MED13: variants seen among roughly 807,000 people sequenced by gnomAD.
MED13 encodes mediator of RNA polymerase II transcription subunit 13.
A neutral mutation model predicts 225.2 loss-of-function variants in MED13; 23 were observed. The observed-to-expected ratio is 0.10, with a 90% CI of 0.07 to 0.14. MED13 has a LOEUF of 0.14. MED13 is among the 10% of genes least tolerant of loss of function. The pLI, the probability that MED13 is intolerant of heterozygous loss-of-function variation, is 1.00. For synonymous variants in MED13, 942 were observed against 889.2 expected (o/e 1.06, Z -1.06); for missense variants, 2,197 against 2,594.5 (o/e 0.85, Z 3.33).
intron 17 of MED13, 95 bp downstream of exon 17, chr17:61,972,632 T>C (rs1008600240): frequency 2.6e-6 from 3 of 1,174,274 alleles, no homozygotes; most frequent in Non-Finnish European, 3.6e-6. Flanking sequence ...ATCACAAATA[T>C]ATTTAAAGAA....
intron 10 of MED13, among the ~76,000 whole-genome samples, chr17:61,993,092 G>T (rs1211789870): frequency 6.6e-6 from 1 of 151,608 alleles, no homozygotes; most frequent in Non-Finnish European, 1.5e-5. Flanking sequence ...ATAGACAAAA[G>T]TAGAGACTCT....
intron 16 of MED13, among the ~76,000 whole-genome samples, chr17:61,978,994 G>A (rs1179107212): frequency 1.3e-5 from 2 of 152,058 alleles, no homozygotes; most frequent in African/African-American, 4.8e-5. Flanking sequence ...CTTATTAAAT[G>A]TTTCTCCCTA....
intron 9 of MED13, chr17:62,004,477 A>G (rs2080426581): frequency 6.6e-6 from 1 of 152,234 alleles, no homozygotes; most frequent in Non-Finnish European, 1.5e-5. Context: ...ATAAGAAGGG[A>G]TAAGCAGTTC....
intron 9 of MED13, among the ~76,000 whole-genome samples, chr17:62,008,016 C>CAAAAAAA (rs60236710): frequency 0.011 from 576 of 50,414 alleles, 23 homozygotes; most frequent in East Asian, 0.023. Flanking sequence ...GAGACTGTCT[C>CAAAAAAA]AAAAAAAAAA....
chr17:61,959,871 G>A (rs1199777368), intron 23 of MED13, among the ~76,000 whole-genome samples: 1 of 151,854 alleles, frequency 6.6e-6, no homozygotes, highest in Non-Finnish European at 1.5e-5. Context: ...TGTGACTACA[G>A]GTGGGCCACT....
rs2080236704 is a variant in MED13, at chr17:61,985,107, C to T, written c.2386-17G>A. The T allele has an allele frequency of 6.9e-6, 11 of 1,598,770 alleles. No individual in the cohort carries two copies. Among genetic ancestry groups the T allele is most frequent in the South Asian group, 1.1e-5 (1 of 89,682 alleles). ...AGATCCAGGCTATTTAAAAAAAGCA[C>T]ATATTTATCTAAAATTTTACATCCA... On this transcript the variant is annotated splice_polypyrimidine_tract_variant and intron_variant, in intron 12 of 29. Transcript: ENST00000397786.
intron 8 of MED13, among the ~76,000 whole-genome samples, chr17:62,021,813 C>T (rs1224075201): frequency 6.6e-6 from 1 of 152,112 alleles, no homozygotes; most frequent in Non-Finnish European, 1.5e-5. Flanking sequence ...AACTCTTTAT[C>T]ACATCACCCA....
intron 8 of MED13, among the ~76,000 whole-genome samples, chr17:62,016,073 G>C (rs543509953): frequency 7.2e-6 from 1 of 138,744 alleles, no homozygotes; most frequent in East Asian, 2.1e-4. Flanking sequence ...CAAAGTGCTG[G>C]GATTACAGGC....
rs1211813169 is a variant in MED13, at chr17:61,955,455, A to G, written c.5895T>C (p.Thr1965=). ...CTGAAGCTACTTGCACAGAAGCAGA[A>G]GTAGGAAACACAAGTATATGAGTAC... ...TSCTHILVFP[T]SASVQVASAT... is the part of the protein sequence containing the mutation. Residue 1965 remains threonine (T), a synonymous_variant, in exon 26 of 30, where the codon ACT becomes ACC. Transcript: ENST00000397786. 1.2e-6 allele frequency: 2 copies of G among 1,600,456 alleles called. No individual in the cohort carries two copies. The highest frequency in any genetic ancestry group is 1.8e-5 in the Admixed American group (1 of 55,886).
chr17:62,062,619 CACA>C (rs2081049898), intron 2 of MED13, among the ~76,000 whole-genome samples: 3 of 151,430 alleles, frequency 2.0e-5, no homozygotes, highest in Admixed American at 2.0e-4. Flanking sequence ...CACACACACA[CACA>C]CACACGGATA....
chr17:62,012,202 C>T (rs528113072), intron 8 of MED13, among the ~76,000 whole-genome samples: 1 of 150,740 alleles, frequency 6.6e-6, no homozygotes, highest in South Asian at 2.1e-4. Context: ...GGTGACAGAG[C>T]AAGACTCCAT....
chr17:61,993,200 C>CTTTTTT (rs964200883), intron 10 of MED13, among the ~76,000 whole-genome samples: 5 of 107,688 alleles, frequency 4.6e-5, no homozygotes, highest in Non-Finnish European at 8.6e-5. Flanking sequence ...TTCTTTCTTT[C>CTTTTTT]TTTTTTTTTT....
intron 8 of MED13, among the ~76,000 whole-genome samples, chr17:62,023,253 T>C (rs1446743951): frequency 6.6e-6 from 1 of 152,166 alleles, no homozygotes; most frequent in African/African-American, 2.4e-5. Context: ...GAGAAGCCAA[T>C]GTTATCAGGC....
intron 8 of MED13, among the ~76,000 whole-genome samples, chr17:62,017,132 T>C (rs1048685177): frequency 2.7e-4 from 40 of 150,896 alleles, no homozygotes; most frequent in African/African-American, 9.7e-4. Flanking sequence ...ATACGAATGG[T>C]TGATAAACAG....
chr17:62,034,558 A>G (rs1189173479), intron 4 of MED13, among the ~76,000 whole-genome samples: 1 of 152,028 alleles, frequency 6.6e-6, no homozygotes, highest in Non-Finnish European at 1.5e-5. Flanking sequence ...ATATTTGTGT[A>G]TCCTTCAATT....
chr17:62,047,470 T>C (rs7224196), intron 3 of MED13, among the ~76,000 whole-genome samples: 151,371 of 152,240 alleles, frequency 0.99, 75,259 homozygotes, highest in Middle Eastern at 1. Context: ...AACCAAACAC[T>C]GTATGTTCTC....
intron 8 of MED13, among the ~76,000 whole-genome samples, chr17:62,017,586 A>G (rs1329568538): frequency 6.6e-6 from 1 of 152,178 alleles, no homozygotes; most frequent in South Asian, 2.1e-4. Context: ...TATTATGTTG[A>G]AATTTACAAA....
Position 61,946,562 on chromosome 17 carries a change from G to C in MED13, c.6431C>G (p.Thr2144Ser). ...TCTGTCCTGGGTTGCAGGGTCACAG[G>C]TTAGCCAGGAGAGTGCATTGTACTG... is the stretch of plus-strand genomic sequence containing the variant. Reference protein sequence around the residue: ...LEQYNALSWLTCDPATQDRRS... With the variant: ...LEQYNALSWLSCDPATQDRRS... Residue 2144 changes from threonine to serine, a missense_variant, in exon 30 of 30, where the codon ACC (threonine) becomes AGC (serine). This residue lies in a region of MED13 where 216 missense variants were observed against 388.9 expected (regional missense o/e 0.56). Transcript: ENST00000397786. 6.2e-7 allele frequency: 1 copy of C among 1,614,058 alleles called. No homozygotes were observed. The highest frequency in any genetic ancestry group is 2.2e-5 in the East Asian group (1 of 44,868).
Position 61,995,379 on chromosome 17 carries a change from T to A in MED13, c.1968-14A>T, listed in dbSNP as rs2080338337. 4.5e-6 allele frequency: 7 copies of A among 1,544,410 alleles called. No individual in the cohort carries two copies. The highest frequency in any genetic ancestry group is 4.2e-5 in the African/African-American group (3 of 71,818). The stretch of plus-strand genomic sequence containing the variant: ...TGCACCATTAACCTGCATAAAAAAA[T>A]TAAAAAAAATTAATTATCCACATAA... On this transcript the variant is annotated splice_polypyrimidine_tract_variant and intron_variant, in intron 9 of 29. Coordinates refer to ENST00000397786, the MANE Select transcript of MED13 (RefSeq NM_005121.3).
Sources: gnomAD v4.1 joint callset for allele counts (sites outside exome capture counted in the v4.1 genomes callset) on GRCh38, gnomAD v4.1.1 for gene constraint, gnomAD v4.1.1 regional missense constraint, MANE v1.5 for transcripts, NCBI Gene and HGNC (gene_info 2026-07-23, HGNC 2026-07-21) for gene names.